The following DAB1 variants were observed in gnomAD, a reference collection of about 807,000 sequenced individuals.
The protein encoded by DAB1 is DAB adaptor protein 1, also known as disabled homolog 1.
In DAB1, 15 loss-of-function variants were observed where a neutral mutation model predicts 64.6. The ratio of observed to expected loss-of-function variants is 0.23; its 90% CI spans 0.16 to 0.36. The LOEUF (loss-of-function observed/expected upper bound fraction) is 0.36. DAB1 is among the 10% of genes least tolerant of loss of function. DAB1 has a pLI of 1.00. For missense variants in DAB1, 596 were observed against 706.7 expected, an observed-to-expected ratio of 0.84 and a Z score of 1.78; for synonymous variants, 235 against 251.9, an observed-to-expected ratio of 0.93 and a Z score of 0.64.
At chr1:57,206,581 C>T (rs956487268) in intron 2 of DAB1, among the ~76,000 whole-genome samples, 1 of 152,178 alleles carries the variant, frequency 6.6e-6, no homozygotes, top group African/African-American at 2.4e-5. Flanking sequence ...GTGCCATTTA[C>T]CCCAGTTTGG....
intron 5 of DAB1, among the ~76,000 whole-genome samples, chr1:57,912,412 T>C (rs889299166): frequency 6.6e-6 from 1 of 152,156 alleles, no homozygotes; most frequent in Non-Finnish European, 1.5e-5. Context: ...CTAAAAACTC[T>C]CAATAAATTA....
At chr1:57,487,746 A>G (rs1219136960) in intron 7 of DAB1, among the ~76,000 whole-genome samples, 2 of 152,288 alleles carry the variant, frequency 1.3e-5, no homozygotes, top group Non-Finnish European at 2.9e-5. Context: ...GGTACACTCT[A>G]TGATGTTTGT....
Position 56,996,686 on chromosome 1 carries a change from C to T in DAB1, c.*1458G>A, listed in dbSNP as rs946705158. ...ATGATGGAGTCACGTGCTCCCTTCC[C>T]GTTCACTAGCTGCTGATTGGCCAAC... On this transcript the variant is annotated 3_prime_UTR_variant, in exon 15 of 15. Coordinates refer to ENST00000371236, the MANE Select transcript of DAB1 (RefSeq NM_001365792.1). 2 of 152,354 alleles carry T rather than the reference C, an allele frequency of 1.3e-5. No individual in the cohort carries two copies. Among genetic ancestry groups the T allele is most frequent in the Non-Finnish European group, 2.9e-5 (2 of 68,044 alleles). 9.4% of individuals were successfully genotyped at this position (152,354 alleles called of 1,614,324 possible).
intron 7 of DAB1, among the ~76,000 whole-genome samples, chr1:57,431,866 A>G (rs556009421): frequency 1.3e-5 from 2 of 152,152 alleles, no homozygotes; most frequent in African/African-American, 4.8e-5. Context: ...GCTCATGCCT[A>G]TAATCCCAGC....
intron 6 of DAB1, among the ~76,000 whole-genome samples, chr1:57,728,332 G>A (rs558692469): frequency 2.5e-4 from 38 of 152,236 alleles, no homozygotes; most frequent in African/African-American, 8.2e-4. Flanking sequence ...GGTGGCTCAC[G>A]CCTGTAATCC....
chr1:57,184,907 C>A (rs1055056024), intron 2 of DAB1, among the ~76,000 whole-genome samples: 2 of 152,220 alleles, frequency 1.3e-5, no homozygotes, highest in Middle Eastern at 3.4e-3. Context: ...GTGTAGCGAT[C>A]CAACAAATAT....
chr1:57,480,088 C>G (rs1205737206), intron 7 of DAB1, among the ~76,000 whole-genome samples: 1 of 148,930 alleles, frequency 6.7e-6, no homozygotes, highest in Non-Finnish European at 1.5e-5. Flanking sequence ...GGAGGCGGAG[C>G]TTGCAGTGAG....
chr1:58,353,071 G>A (rs758271616), intron 3 of DAB1, among the ~76,000 whole-genome samples: 12 of 151,786 alleles, frequency 7.9e-5, no homozygotes, highest in Non-Finnish European at 1.3e-4. Context: ...GTTATGCCAC[G>A]CTGCCGAATC....
chr1:57,633,470 G>C (rs984182661), intron 7 of DAB1, among the ~76,000 whole-genome samples: 9 of 152,222 alleles, frequency 5.9e-5, no homozygotes, highest in African/African-American at 2.2e-4. Context: ...TGGATTGCAA[G>C]GGCAGGCTGC....
intron 4 of DAB1, among the ~76,000 whole-genome samples, chr1:58,220,146 A>C (rs1659080539): frequency 6.6e-6 from 1 of 152,228 alleles, no homozygotes; most frequent in Non-Finnish European, 1.5e-5. Context: ...CTGGAATGGT[A>C]AACTTTTTGT....
At chr1:58,435,303 T>C (rs1644929334) in intron 3 of DAB1, among the ~76,000 whole-genome samples, 1 of 152,202 alleles carries the variant, frequency 6.6e-6, no homozygotes, top group Non-Finnish European at 1.5e-5. Flanking sequence ...CTGGCTTATC[T>C]TTCTCCTGTA....
At chr1:58,163,053 T>C (rs1655628609) in intron 4 of DAB1, among the ~76,000 whole-genome samples, 1 of 152,070 alleles carries the variant, frequency 6.6e-6, no homozygotes, top group Admixed American at 6.6e-5. Context: ...CAGTCCAAAA[T>C]GCCAAAGTGG....
At chr1:57,431,462 T>C (rs937495759) in intron 7 of DAB1, among the ~76,000 whole-genome samples, 3 of 152,214 alleles carry the variant, frequency 2.0e-5, no homozygotes, top group African/African-American at 7.2e-5. Flanking sequence ...AAAAAAGCAA[T>C]GAAAAAATAT....
chr1:58,071,825 T>C (rs574344214), intron 5 of DAB1, among the ~76,000 whole-genome samples: 2 of 152,238 alleles, frequency 1.3e-5, no homozygotes, highest in South Asian at 4.1e-4. Context: ...TAATTGACAA[T>C]TGATTAATTA....
intron 1 of DAB1, among the ~76,000 whole-genome samples, chr1:57,328,138 T>C: frequency 6.6e-6 from 1 of 152,196 alleles, no homozygotes; most frequent in Non-Finnish European, 1.5e-5. Flanking sequence ...GCCACCTAGC[T>C]AGTAGCATAA....
At chr1:58,502,546 G>GA (rs1358101087) in intron 3 of DAB1, among the ~76,000 whole-genome samples, 1 of 152,168 alleles carries the variant, frequency 6.6e-6, no homozygotes, top group Admixed American at 6.5e-5. Context: ...TACTGCTAGA[G>GA]ATGTCAAAGG....
intron 1 of DAB1, among the ~76,000 whole-genome samples, chr1:57,296,889 T>A (rs952799648): frequency 1.3e-5 from 2 of 152,184 alleles, no homozygotes; most frequent in African/African-American, 4.8e-5. Flanking sequence ...AAATTTTTGA[T>A]AAGAAGCAGA....
At chr1:57,684,503 A>T (rs1646671764) in intron 6 of DAB1, among the ~76,000 whole-genome samples, 2 of 152,194 alleles carry the variant, frequency 1.3e-5, no homozygotes, top group Non-Finnish European at 2.9e-5. Context: ...ATTCTAACCA[A>T]TAATTTCATA....
chr1:57,606,155 G>T (rs1645633710), intron 7 of DAB1: 2 of 245,972 alleles, frequency 8.1e-6, no homozygotes, highest in Non-Finnish European at 1.6e-5. Context: ...CAAATTTGGT[G>T]AATTGCCACC....
Sources: gnomAD v4.1 joint callset for allele counts (sites outside exome capture counted in the v4.1 genomes callset) on GRCh38, gnomAD v4.1.1 for gene constraint, MANE v1.5 for transcripts, NCBI Gene and HGNC (gene_info 2026-07-23, HGNC 2026-07-21) for gene names.